Variants in NRG1 observed in about 807,000 individuals in gnomAD.
NRG1 encodes the protein pro-neuregulin-1, membrane-bound isoform.
In NRG1, 18 loss-of-function variants were observed where a neutral mutation model predicts 63.8. That is an observed-to-expected ratio of 0.28 (90% CI 0.19 to 0.42). The LOEUF is 0.42. Among genes scored for constraint, NRG1 ranks in the 10% least tolerant of loss-of-function variants. The probability of loss-of-function intolerance (pLI) is 1.00; values close to 1 mark genes in which losing one functional copy is unlikely to be tolerated. For missense variants in NRG1, 762 were observed against 814.7 expected (o/e 0.94, Z 0.79); for synonymous variants, 302 against 301.3 (o/e 1.00, Z -0.02).
At chr8:31,882,684 G>A (rs1467393802) in intron 1 of NRG1, among the ~76,000 whole-genome samples, 6 of 152,148 alleles carry the variant, frequency 3.9e-5, no homozygotes, top group Admixed American at 2.0e-4. Context: ...ATTTACAGGA[G>A]TTTTGAAGAA....
exon 12 of NRG1, chr8:32,765,660 G>T (rs1000395335): frequency 6.6e-6 from 1 of 152,062 alleles, no homozygotes; most frequent in African/African-American, 2.4e-5. Context: ...TATGTGATTT[G>T]TAATCACAAG....
At chr8:31,812,406 A>G (rs1000186599) in intron 1 of NRG1, among the ~76,000 whole-genome samples, 1 of 152,170 alleles carries the variant, frequency 6.6e-6, no homozygotes, top group Non-Finnish European at 1.5e-5. Flanking sequence ...CTGGGACAAC[A>G]TTTAGAGAAC....
intron 3 of NRG1, chr8:32,614,282 T>A (rs551774857): frequency 2.6e-6 from 1 of 389,818 alleles, no homozygotes; most frequent in East Asian, 3.6e-5. Context: ...GAATGCTTCC[T>A]AATTATTTTA....
intron 1 of NRG1, among the ~76,000 whole-genome samples, chr8:32,235,284 A>C (rs1847425900): frequency 6.7e-6 from 1 of 149,056 alleles, no homozygotes; most frequent in Admixed American, 6.7e-5. Flanking sequence ...CTGTAGTTTC[A>C]GCTACTTGGG....
intron 1 of NRG1, among the ~76,000 whole-genome samples, chr8:32,081,683 A>T (rs1827485888): frequency 6.6e-6 from 1 of 152,120 alleles, no homozygotes; most frequent in South Asian, 2.1e-4. Context: ...TTTCCAATAG[A>T]TATATATTTA....
rs1014432853 is a variant in NRG1 at position 32,758,042 on chromosome 8, G to C, written c.922-1264G>C. 2.6e-5 allele frequency among the ~76,000 whole-genome samples: 4 copies of C among 152,236 alleles called. No individual in the cohort carries two copies. The East Asian group carries it at 7.7e-4, about 29-fold the overall frequency. On this transcript the variant is annotated intron_variant, in intron 9 of 11. Coordinates refer to ENST00000356819, the Ensembl canonical transcript of NRG1. The stretch of plus-strand genomic sequence containing the variant: ...AATAGCCTTTCCACTAAGAGAACCA[G>C]CTAGAGTTTCAAGCATAATTCAAGC...
intron 1 of NRG1, among the ~76,000 whole-genome samples, chr8:31,644,397 G>A (rs1804095098): frequency 6.6e-6 from 1 of 152,098 alleles, no homozygotes; most frequent in African/African-American, 2.4e-5. Context: ...GAACTCCTTA[G>A]AATAAAAATA....
intron 1 of NRG1, among the ~76,000 whole-genome samples, chr8:31,925,190 C>A (rs6468068): frequency 0.91 from 119,820 of 132,052 alleles, 55,446 homozygotes; most frequent in African/African-American, 0.97. Context: ...GACTTGTTTC[C>A]TCAGCTACTG....
intron 1 of NRG1, among the ~76,000 whole-genome samples, chr8:32,241,569 A>C (rs1848098752): frequency 6.6e-6 from 1 of 152,212 alleles, no homozygotes. Flanking sequence ...TAGAGTAGTC[A>C]AAGAACCAAT....
chr8:32,073,097 C>T (rs886312855), intron 1 of NRG1, among the ~76,000 whole-genome samples: 1 of 152,154 alleles, frequency 6.6e-6, no homozygotes, highest in African/African-American at 2.4e-5. Context: ...GTTCTGGCCT[C>T]TATCTCTGAA....
chr8:31,778,688 G>T (rs758453618), intron 1 of NRG1, among the ~76,000 whole-genome samples: 5 of 152,242 alleles, frequency 3.3e-5, no homozygotes, highest in Admixed American at 2.6e-4. Context: ...ATTATTTAAG[G>T]GCTTTGCACA....
chr8:31,898,707 A>C (rs1831810906), intron 1 of NRG1, among the ~76,000 whole-genome samples: 1 of 152,188 alleles, frequency 6.6e-6, no homozygotes, highest in African/African-American at 2.4e-5. Flanking sequence ...CTGTCTCAAA[A>C]ATAAATAAAT....
chr8:31,787,756 C>A (rs1286611648), intron 1 of NRG1, among the ~76,000 whole-genome samples: 3 of 152,120 alleles, frequency 2.0e-5, no homozygotes, highest in Non-Finnish European at 2.9e-5. Context: ...TTGTTCAGGG[C>A]AGTCACTTGT....
At chr8:31,716,338 A>G (rs182584407) in intron 1 of NRG1, among the ~76,000 whole-genome samples, 1 of 152,350 alleles carries the variant, frequency 6.6e-6, no homozygotes, top group African/African-American at 2.4e-5. Context: ...ATGTTCATAA[A>G]TCACATATGT....
chr8:31,868,988 T>C (rs1203625144), intron 1 of NRG1, among the ~76,000 whole-genome samples: 1 of 152,222 alleles, frequency 6.6e-6, no homozygotes, highest in African/African-American at 2.4e-5. Context: ...GAAACTTCTG[T>C]AAAGTTAGCT....
chr8:32,045,267 C>T (rs1484303075), intron 1 of NRG1, among the ~76,000 whole-genome samples: 1 of 151,774 alleles, frequency 6.6e-6, no homozygotes, highest in Admixed American at 6.6e-5. Context: ...TAGACATAAA[C>T]CTAACAAAAC....
At chr8:31,814,031 A>G (rs1439590576) in intron 1 of NRG1, among the ~76,000 whole-genome samples, 1 of 152,186 alleles carries the variant, frequency 6.6e-6, no homozygotes, top group Non-Finnish European at 1.5e-5. Flanking sequence ...ACTATTCAAA[A>G]GCAGTGTTTT....
chr8:31,878,382 A>G (rs1349114537), intron 1 of NRG1, among the ~76,000 whole-genome samples: 1 of 152,198 alleles, frequency 6.6e-6, no homozygotes, highest in African/African-American at 2.4e-5. Flanking sequence ...TATGTCTATG[A>G]TAATGAAAGA....
chr8:32,597,192 C>T lies in NRG1; in HGVS notation c.278+1187C>T, dbSNP rs563264301. On this transcript the variant is annotated intron_variant, in intron 2 of 11. Coordinates refer to ENST00000356819, the Ensembl canonical transcript of NRG1. ...TCTGCACTCACATCTCACAGGGTTCCAGTGAACCCCCAAGTATGGTAACAG... is the reference window on the plus strand; with the variant it reads ...TCTGCACTCACATCTCACAGGGTTCTAGTGAACCCCCAAGTATGGTAACAG... 2.0e-5 allele frequency among the ~76,000 whole-genome samples: 3 copies of T among 152,270 alleles called. No individual in the cohort carries two copies. In the South Asian group the frequency reaches 6.2e-4, roughly 32 times the overall value.
Sources: allele counts gnomAD v4.1 joint callset (sites outside exome capture counted in the v4.1 genomes callset), GRCh38; gene constraint gnomAD v4.1.1; transcripts MANE v1.5; gene names NCBI Gene and HGNC (gene_info 2026-07-23, HGNC 2026-07-21).